The following PTPRT variants were observed in gnomAD, a reference collection of about 807,000 sequenced individuals.
PTPRT encodes protein tyrosine phosphatase receptor type T.
Under a neutral mutation model 176.8 loss-of-function variants are expected in PTPRT, and 56 were observed. The observed-to-expected ratio is 0.32, with a 90% CI of 0.26 to 0.40. The LOEUF (loss-of-function observed/expected upper bound fraction) is 0.40. Ranked by LOEUF, PTPRT falls within the 10% of genes least tolerant of loss-of-function variation. PTPRT has a pLI of 1.00. For synonymous variants in PTPRT, 783 were observed against 739.0 expected, an observed-to-expected ratio of 1.06 and a Z score of -0.96; for missense variants, 1,540 against 1,908.2, an observed-to-expected ratio of 0.81 and a Z score of 3.60.
At chr20:42,440,564 G>A (rs1023600213) in intron 9 of PTPRT, among the ~76,000 whole-genome samples, 5 of 150,334 alleles carry the variant, frequency 3.3e-5, no homozygotes, top group Non-Finnish European at 5.9e-5. Flanking sequence ...TGCAAGATCC[G>A]CCTCCCAGGT....
At chr20:42,399,047 A>G (rs2058878704) in intron 9 of PTPRT, among the ~76,000 whole-genome samples, 1 of 152,244 alleles carries the variant, frequency 6.6e-6, no homozygotes, top group Admixed American at 6.5e-5. Flanking sequence ...AGACACTGGG[A>G]GGGCAAGAGC....
chr20:42,168,703 T>C (rs1324098043), intron 16 of PTPRT, among the ~76,000 whole-genome samples: 2 of 152,226 alleles, frequency 1.3e-5, no homozygotes, highest in Admixed American at 1.3e-4. Flanking sequence ...CCTCCAACGC[T>C]GGAAGTGATT....
At chr20:43,053,992 T>C (rs190611449) in intron 1 of PTPRT, among the ~76,000 whole-genome samples, 17 of 152,164 alleles carry the variant, frequency 1.1e-4, no homozygotes, top group Non-Finnish European at 2.9e-5. Context: ...CTCCTTAAGC[T>C]TTTTTTCCTC....
intron 3 of PTPRT, among the ~76,000 whole-genome samples, chr20:42,788,174 G>T (rs1012565836): frequency 2.0e-5 from 3 of 152,038 alleles, no homozygotes; most frequent in Non-Finnish European, 4.4e-5. Flanking sequence ...GGTTCCTGCT[G>T]TTGTAAAGAA....
chr20:42,282,194 T>C (rs1369294226), intron 13 of PTPRT, among the ~76,000 whole-genome samples: 2 of 152,068 alleles, frequency 1.3e-5, no homozygotes, highest in Admixed American at 1.3e-4. Flanking sequence ...AAAAGAATAT[T>C]TGAGTAAATT....
At chr20:43,083,351 T>TACATATATAC (rs1555828987) in intron 1 of PTPRT, among the ~76,000 whole-genome samples, 2 of 114,288 alleles carry the variant, frequency 1.7e-5, no homozygotes, top group African/African-American at 6.9e-5. Context: ...TATATATATA[T>TACATATATAC]ATATATATAT....
chr20:42,849,005 AG>A lies in PTPRT; in HGVS notation c.214+36801del, dbSNP rs769104373. Among the ~76,000 whole-genome samples, 178 of 152,254 alleles carry A rather than the reference AG, an allele frequency of 1.2e-3. 2 individuals are homozygous for A. The highest frequency in any genetic ancestry group is 2.7e-3 in the African/African-American group (114 of 41,536). ...TGATTTTTGTATAAGGTGAGAGATGAGGATCCAGTTTCATTCTCCTACATGT... is the reference window on the plus strand; with the variant it reads ...TGATTTTTGTATAAGGTGAGAGATGAGATCCAGTTTCATTCTCCTACATGT... On this transcript the variant is annotated intron_variant, in intron 2 of 30. Transcript: ENST00000373187.
At chr20:42,786,180 A>G (rs1174899938) in intron 3 of PTPRT, among the ~76,000 whole-genome samples, 1 of 152,176 alleles carries the variant, frequency 6.6e-6, no homozygotes, top group African/African-American at 2.4e-5. Context: ...TGGAAGTGTG[A>G]GTCAATTAAA....
intron 12 of PTPRT, among the ~76,000 whole-genome samples, chr20:42,309,158 T>G (rs779445022): frequency 5.3e-5 from 8 of 152,218 alleles, no homozygotes; most frequent in Non-Finnish European, 1.0e-4. Context: ...AGAACATGCA[T>G]AACAGCATTG....
intron 1 of PTPRT, among the ~76,000 whole-genome samples, chr20:43,008,515 AC>A (rs1293764023): frequency 6.6e-6 from 1 of 151,660 alleles, no homozygotes; most frequent in Non-Finnish European, 1.5e-5. Context: ...TCATGGTAAA[AC>A]CCCATCTCTA....
intron 4 of PTPRT, among the ~76,000 whole-genome samples, chr20:42,776,296 T>A (rs1367389961): frequency 6.6e-6 from 1 of 152,222 alleles, no homozygotes; most frequent in Non-Finnish European, 1.5e-5. Context: ...TTTTGATATA[T>A]GACCCCAACC....
chr20:42,353,790 T>C (rs1260808254), intron 9 of PTPRT, among the ~76,000 whole-genome samples: 1 of 152,246 alleles, frequency 6.6e-6, no homozygotes, highest in Non-Finnish European at 1.5e-5. Context: ...GGCTCACACC[T>C]GAAATCCCAG....
intron 7 of PTPRT, among the ~76,000 whole-genome samples, chr20:42,582,257 T>C (rs957390745): frequency 1.3e-5 from 2 of 152,094 alleles, no homozygotes; most frequent in Non-Finnish European, 2.9e-5. Flanking sequence ...AGGCTTGGTG[T>C]GGAGGGCTGG....
chr20:42,689,760 T>C (rs1346615305), intron 6 of PTPRT, among the ~76,000 whole-genome samples: 1 of 152,054 alleles, frequency 6.6e-6, no homozygotes, highest in Non-Finnish European at 1.5e-5. Context: ...GATTGGAAGA[T>C]GCTATGTTCT....
At chr20:42,300,121 G>A (rs1229336536) in intron 12 of PTPRT, among the ~76,000 whole-genome samples, 1 of 151,952 alleles carries the variant, frequency 6.6e-6, no homozygotes, top group African/African-American at 2.4e-5. Context: ...AGCTGGGCAT[G>A]ATGGCCGGTG....
chr20:42,198,080 G>A (rs1991302788), intron 16 of PTPRT, among the ~76,000 whole-genome samples: 2 of 152,158 alleles, frequency 1.3e-5, no homozygotes, highest in Admixed American at 1.3e-4. Flanking sequence ...ATATGGATGT[G>A]TTGAAAACCT....
intron 6 of PTPRT, among the ~76,000 whole-genome samples, chr20:42,725,333 G>T (rs925386073): frequency 1.3e-5 from 2 of 151,946 alleles, no homozygotes; most frequent in Non-Finnish European, 2.9e-5. Context: ...AAACAAACAT[G>T]CTGTAAAGGA....
chr20:42,315,594 G>T, intron 12 of PTPRT, 129 bp downstream of exon 12: 2 of 1,062,700 alleles, frequency 1.9e-6, no homozygotes, highest in Non-Finnish European at 2.7e-6. Flanking sequence ...TTAATTTAAA[G>T]GCATGAGGTA....
intron 1 of PTPRT, among the ~76,000 whole-genome samples, chr20:43,087,604 T>C (rs1458176130): frequency 1.3e-5 from 2 of 152,094 alleles, no homozygotes; most frequent in African/African-American, 4.8e-5. Flanking sequence ...CCTCAAGTGA[T>C]CTGCCTGCCT....
Sources: gnomAD v4.1 joint callset for allele counts (sites outside exome capture counted in the v4.1 genomes callset) on GRCh38, gnomAD v4.1.1 for gene constraint, MANE v1.5 for transcripts, NCBI Gene and HGNC (gene_info 2026-07-23, HGNC 2026-07-21) for gene names.